The following MYO16 variants were observed in gnomAD, a reference collection of about 807,000 sequenced individuals.
MYO16 encodes the protein myosin XVI.
MYO16 carries 94 observed loss-of-function variants against 205.3 expected under a neutral mutation model. The observed-to-expected ratio is 0.46, with a 90% CI of 0.39 to 0.54. MYO16 has a LOEUF of 0.54. Among genes scored for constraint, MYO16 ranks in the 20% least tolerant of loss-of-function variants. The pLI, the probability that MYO16 is intolerant of heterozygous loss-of-function variation, is 0.00. For missense variants in MYO16, 2,315 were observed against 2,387.5 expected (o/e 0.97, Z 0.63); for synonymous variants, 988 against 954.0 (o/e 1.04, Z -0.66).
At chr13:109,013,593 G>A (rs940416206) in intron 22 of MYO16, among the ~76,000 whole-genome samples, 5 of 152,148 alleles carry the variant, frequency 3.3e-5, no homozygotes, top group Admixed American at 6.5e-5. Flanking sequence ...CAGTGCAAAA[G>A]CATTCCTATT....
chr13:108,605,442 T>C (rs1233484338), intron 1 of MYO16, among the ~76,000 whole-genome samples: 1 of 152,176 alleles, frequency 6.6e-6, no homozygotes, highest in Non-Finnish European at 1.5e-5. Context: ...ATCCAAATTA[T>C]AATCCCCACA....
chr13:108,608,266 A>C (rs1360056053), intron 1 of MYO16, among the ~76,000 whole-genome samples: 3 of 152,148 alleles, frequency 2.0e-5, no homozygotes, highest in Non-Finnish European at 4.4e-5. Context: ...TCCTGGTGGC[A>C]TGGCTTCTGC....
intron 3 of MYO16, among the ~76,000 whole-genome samples, chr13:108,721,437 T>G (rs1486764698): frequency 6.6e-6 from 1 of 152,194 alleles, no homozygotes; most frequent in Non-Finnish European, 1.5e-5. Flanking sequence ...GGGGTTCTTA[T>G]GTGGAGTAAG....
intron 32 of MYO16, among the ~76,000 whole-genome samples, chr13:109,154,024 A>C (rs550173612): frequency 2.4e-4 from 37 of 152,384 alleles, no homozygotes; most frequent in Admixed American, 2.6e-4. Context: ...TAGTCACTCC[A>C]GCCAATCTAC....
Position 109,185,883 on chromosome 13 carries a change from T to TA in MYO16, c.5415+6259dup, listed in dbSNP as rs112629430. ...CAATGCTATTCATGCTTTCAAAGTG[T>TA]AAAAAAAAATCTCACTTTCTACAGA... On this transcript the variant is annotated intron_variant, in intron 34 of 34. Coordinates refer to ENST00000457511, the MANE Select transcript of MYO16 (RefSeq NM_001198950.3). Among the ~76,000 whole-genome samples the TA allele has an allele frequency of 3.2e-4, 49 of 151,838 alleles. No individual in the cohort carries two copies. The Middle Eastern group carries it at 0.014, about 42-fold the overall frequency.
chr13:109,119,773 T>A (rs947628103), intron 28 of MYO16, among the ~76,000 whole-genome samples: 5 of 152,222 alleles, frequency 3.3e-5, no homozygotes, highest in Non-Finnish European at 5.9e-5. Context: ...CCTACTACTG[T>A]TTGTGCAAAC....
intron 33 of MYO16, among the ~76,000 whole-genome samples, chr13:109,169,340 A>G (rs1594153555): frequency 6.6e-6 from 1 of 151,236 alleles, no homozygotes; most frequent in African/African-American, 2.4e-5. Context: ...TAGTGATAAT[A>G]AGAACATAAG....
At chr13:108,656,403 C>T (rs898473328) in intron 1 of MYO16, among the ~76,000 whole-genome samples, 2 of 152,162 alleles carry the variant, frequency 1.3e-5, no homozygotes, top group African/African-American at 4.8e-5. Context: ...TCCAATTAAA[C>T]CTCTTTTTCT....
In MYO16 at chr13:109,125,510, T is replaced by G. The variant is rs187501873; in HGVS notation, c.3782+152T>G. 9.9e-4 allele frequency: 1,041 copies of G among 1,046,412 alleles called. 5 individuals are homozygous for G. In the Middle Eastern group the frequency reaches 0.014, roughly 14 times the overall value. 64.8% of individuals were successfully genotyped at this position (1,046,412 alleles called of 1,614,324 possible). On this transcript the variant is annotated intron_variant, in intron 30 of 34. Coordinates refer to ENST00000457511, the MANE Select transcript of MYO16 (RefSeq NM_001198950.3). This position sits in a 1 kb window ranked among gnomAD's most constrained non-coding sequence, Gnocchi z 4.0. Reference sequence around the variant, plus strand: ...GGTTTGTTATTCGAAATGGCAGCAGTCTAAAAAGATGCTTTCCTGTGCTGT... The same window carrying G: ...GGTTTGTTATTCGAAATGGCAGCAGGCTAAAAAGATGCTTTCCTGTGCTGT...
chr13:109,004,067 C>T (rs1885309302), intron 21 of MYO16, among the ~76,000 whole-genome samples: 1 of 152,136 alleles, frequency 6.6e-6, no homozygotes, highest in South Asian at 2.1e-4. Context: ...TATCATTTCG[C>T]ACAGTAATAG....
At chr13:108,787,598 T>C (rs1333859718) in intron 5 of MYO16, among the ~76,000 whole-genome samples, 1 of 152,142 alleles carries the variant, frequency 6.6e-6, no homozygotes, top group African/African-American at 2.4e-5. Context: ...AGAATAAAAA[T>C]AAATGTGTTC....
chr13:108,725,985 G>A (rs1341153333), intron 3 of MYO16, among the ~76,000 whole-genome samples: 6 of 152,098 alleles, frequency 3.9e-5, no homozygotes, highest in Admixed American at 6.5e-5. Flanking sequence ...AAGCAGGAAG[G>A]TACATCTGGT....
At chr13:109,160,007 C>T (rs1029453611) in intron 32 of MYO16, among the ~76,000 whole-genome samples, 2 of 152,202 alleles carry the variant, frequency 1.3e-5, no homozygotes, top group Admixed American at 6.5e-5. Context: ...CGAGGTTTCT[C>T]GGCCTCAGTA....
intron 34 of MYO16, 30 bp from the exon 35 acceptor site, chr13:109,206,579 C>A: frequency 6.5e-7 from 1 of 1,531,540 alleles, no homozygotes; most frequent in Non-Finnish European, 9.0e-7. Flanking sequence ...TTGGTGCTAC[C>A]TGTTTTTTCT....
the MYO16 span, among the ~76,000 whole-genome samples, chr13:108,589,001 G>A: frequency 6.6e-6 from 1 of 152,124 alleles, no homozygotes; most frequent in Non-Finnish European, 1.5e-5. Context: ...GAATAAATGA[G>A]TACTCCTTTC....
intron 31 of MYO16, among the ~76,000 whole-genome samples, chr13:109,133,959 G>A (rs1055950101): frequency 4.6e-5 from 7 of 152,098 alleles, no homozygotes; most frequent in African/African-American, 1.2e-4. Context: ...TAATTGTTAT[G>A]GAGTAGAACA....
intron 3 of MYO16, among the ~76,000 whole-genome samples, chr13:108,724,432 G>A (rs1594242067): frequency 6.6e-6 from 1 of 152,216 alleles, no homozygotes; most frequent in African/African-American, 2.4e-5. Context: ...ATTAGCTCTT[G>A]CTTTGTTATC....
chr13:108,738,428 T>A (rs1440955341), intron 4 of MYO16, among the ~76,000 whole-genome samples: 1 of 152,104 alleles, frequency 6.6e-6, no homozygotes, highest in Non-Finnish European at 1.5e-5. Context: ...GTGTTCAGTT[T>A]CCATGTAGTT....
chr13:108,694,965 AG>A (rs1000625845), intron 2 of MYO16, among the ~76,000 whole-genome samples: 6 of 152,168 alleles, frequency 3.9e-5, no homozygotes, highest in Non-Finnish European at 7.3e-5. Flanking sequence ...ATACAAAATT[AG>A]CCGGGTGTGG....
Sources: allele counts gnomAD v4.1 joint callset (sites outside exome capture counted in the v4.1 genomes callset), GRCh38; gene constraint gnomAD v4.1.1; non-coding constraint Gnocchi (gnomAD v3.1); transcripts MANE v1.5; gene names NCBI Gene and HGNC (gene_info 2026-07-23, HGNC 2026-07-21).